The following FAM234B variants were observed in gnomAD, a reference collection of about 807,000 sequenced individuals.
FAM234B encodes protein FAM234B.
A neutral mutation model predicts 69.3 loss-of-function variants in FAM234B; 33 were observed. The ratio of observed to expected loss-of-function variants is 0.48; its 90% CI spans 0.36 to 0.64. The LOEUF (loss-of-function observed/expected upper bound fraction) is 0.64. FAM234B is among the 30% of genes least tolerant of loss of function. The pLI, the probability that FAM234B is intolerant of heterozygous loss-of-function variation, is 0.00. For missense variants in FAM234B, 697 were observed against 769.7 expected (o/e 0.91, Z 1.12); for synonymous variants, 306 against 306.9 (o/e 1.00, Z 0.03).
At chr12:13,071,929 GT>G (rs1484667406) in intron 10 of FAM234B, among the ~76,000 whole-genome samples, 4 of 152,204 alleles carry the variant, frequency 2.6e-5, no homozygotes, top group African/African-American at 4.8e-5. Flanking sequence ...ATTTTAGAAA[GT>G]CTTAAATGTT....
chr12:13,083,339 G>A lies in FAM234B; in HGVS notation c.*2709G>A, dbSNP rs995536568. 1 of 152,438 alleles carries A rather than the reference G, an allele frequency of 6.6e-6. No individual in the cohort carries two copies. The highest frequency in any genetic ancestry group is 1.5e-5 in the Non-Finnish European group (1 of 68,020). 9.4% of individuals were successfully genotyped at this position (152,438 alleles called of 1,614,324 possible). A position where few individuals can be genotyped will look rare whatever the true frequency, so the allele number is the denominator to read the frequency against. ...ATGGTGAAACTAATCCCCTGAATGTGAATTGCTATCCTTATTGCCCTATTA... is the reference window on the plus strand; with the variant it reads ...ATGGTGAAACTAATCCCCTGAATGTAAATTGCTATCCTTATTGCCCTATTA... On this transcript the variant is annotated 3_prime_UTR_variant, in exon 13 of 13. Coordinates refer to ENST00000197268, the MANE Select transcript of FAM234B (RefSeq NM_020853.2).
chr12:13,075,439 T>TTA (rs1475272361), intron 10 of FAM234B, among the ~76,000 whole-genome samples: 2 of 149,686 alleles, frequency 1.3e-5, no homozygotes, highest in Admixed American at 1.3e-4. Flanking sequence ...TTTTCTTTTT[T>TTA]TTTTTTTTTA....
intron 3 of FAM234B, among the ~76,000 whole-genome samples, chr12:13,059,685 C>G (rs1198078994): frequency 1.3e-5 from 2 of 152,136 alleles, no homozygotes; most frequent in Non-Finnish European, 2.9e-5. Flanking sequence ...ACATCTCTTA[C>G]ATTAGTAGGA....
Position 13,052,284 on chromosome 12 carries a change from G to T in FAM234B, c.38-3267G>T, listed in dbSNP as rs141099501. On this transcript the variant is annotated intron_variant, in intron 1 of 12. Transcript: ENST00000197268. ...ACATTCAGGTGTTTGCTAAGTAACT[G>T]GTTGATAGGTCTTTGTAAGTAGCTA... Among the ~76,000 whole-genome samples the T allele has an allele frequency of 4.2e-3, 634 of 152,268 alleles. 4 individuals are homozygous for T. The highest frequency in any genetic ancestry group is 6.8e-3 in the Middle Eastern group (2 of 294).
chr12:13,048,501 CTTTTCTGTTTTCTGTTATCCT>C (rs574920176), intron 1 of FAM234B, among the ~76,000 whole-genome samples: 36,136 of 151,776 alleles, frequency 0.24, 5,243 homozygotes, highest in East Asian at 0.53. Context: ...GCTTTTGGTT[CTTTTCTGTTTTCTGTTATCCT>C]CTTTTCTGTT....
In FAM234B at chr12:13,080,086, G is replaced by A. The variant is rs1046079123; in HGVS notation, c.1863+77G>A. ...CCAATTCCAGCTTTGTCTTTAGAAA[G>A]TAGGCAGAATGGGGAACTTTCTTGA... On this transcript the variant is annotated intron_variant, in intron 12 of 12. Transcript: ENST00000197268. 12 of 1,154,018 alleles carry A rather than the reference G, an allele frequency of 1.0e-5. No homozygotes were observed. In the Middle Eastern group the frequency reaches 8.4e-4, roughly 80 times the overall value. The allele number at this position is 1,154,018 out of a possible 1,614,324, so 71.5% of individuals were successfully genotyped here. A position where few individuals can be genotyped will look rare whatever the true frequency, so the allele number is the denominator to read the frequency against.
rs895038330 is a variant in FAM234B at position 13,047,276 on chromosome 12, A to AT, written c.37+2844dup. On this transcript the variant is annotated intron_variant, in intron 1 of 12. Coordinates refer to ENST00000197268, the MANE Select transcript of FAM234B (RefSeq NM_020853.2). ...CAGCTTATCTCCTAAGTATATATAT[A>AT]TTTTTTTTCTTAGGCCATTTTAAAG... 1.2e-3 allele frequency among the ~76,000 whole-genome samples: 189 copies of AT among 152,116 alleles called. 1 individual carries two copies. The highest frequency in any genetic ancestry group is 4.3e-3 in the African/African-American group (180 of 41,496).
rs201916189 is a variant in FAM234B, at chr12:13,058,539, G to A, written c.522G>A (p.Gly174=). ...TCTCCTTTGTGATGTCAAGGAACGG[G>A]AGTGCAGTAGGTAAGAGACGTGTTT... ...VLLSFVMSRN[G]SAVGVSRPAA... is the part of the protein sequence containing the mutation. The change falls in exon 3 of 13, where the codon GGG becomes GGA. Residue 174 remains glycine (G), a synonymous_variant. Transcript: ENST00000197268. The A allele has an allele frequency of 4.3e-6, 7 of 1,612,064 alleles. No individual in the cohort carries two copies. The East Asian group carries it at 1.3e-4, about 31-fold the overall frequency.
chr12:13,079,249 A>G (rs999886100), intron 11 of FAM234B, among the ~76,000 whole-genome samples: 4 of 152,226 alleles, frequency 2.6e-5, no homozygotes, highest in Non-Finnish European at 5.9e-5. Context: ...ACCTACAACT[A>G]TCTGATCTTT....
chr12:13,079,811 A>G lies in FAM234B; in HGVS notation c.1665A>G (p.Lys555=), dbSNP rs751598398. ...ASEVGINDLW[K]DAFYVTRTTG... ...CAGTTGGAATTAACGACCTCTGGAA[A>G]GATGCCTTTTATGTTACCAGGACAA... The change falls in exon 12 of 13, where the codon AAA becomes AAG. Residue 555 remains lysine (K), a synonymous_variant. Transcript: ENST00000197268. The G allele has an allele frequency of 1.3e-5, 21 of 1,613,692 alleles. No individual in the cohort carries two copies. The South Asian group carries it at 2.0e-4, about 15-fold the overall frequency.
chr12:13,056,355 C>G lies in FAM234B; in HGVS notation c.433+409C>G, dbSNP rs181719006. On this transcript the variant is annotated intron_variant, in intron 2 of 12. Coordinates refer to ENST00000197268, the MANE Select transcript of FAM234B (RefSeq NM_020853.2). ...CATTCTTTGATGATAGAGGTCTGAT[C>G]TAATTTAAATTATAAAATAATTTCA... is the stretch of plus-strand genomic sequence containing the variant. Among the ~76,000 whole-genome samples the G allele has an allele frequency of 3.5e-3, 540 of 152,332 alleles. 7 individuals carry two copies. The highest frequency in any genetic ancestry group is 0.012 in the African/African-American group (508 of 41,580).
chr12:13,066,241 G>A (rs1865035060), intron 5 of FAM234B, among the ~76,000 whole-genome samples: 1 of 152,194 alleles, frequency 6.6e-6, no homozygotes, highest in Non-Finnish European at 1.5e-5. Flanking sequence ...GTTCTGATGG[G>A]AGAGCACTGC....
intron 5 of FAM234B, 36 bp from the exon 6 acceptor site, chr12:13,066,604 T>G (rs1463390830): frequency 1.3e-6 from 2 of 1,584,330 alleles, no homozygotes; most frequent in Non-Finnish European, 1.7e-6. Context: ...ACGATAGGGC[T>G]TCTATTGACT....
At chr12:13,073,178 G>T (rs1425206412) in intron 10 of FAM234B, among the ~76,000 whole-genome samples, 2 of 150,304 alleles carry the variant, frequency 1.3e-5, no homozygotes, top group Admixed American at 6.6e-5. Context: ...CCTTTTTGTG[G>T]AGAATGGGGT....
At chr12:13,068,996 G>T (rs189019461) in intron 9 of FAM234B, among the ~76,000 whole-genome samples, 189 of 152,152 alleles carry the variant, frequency 1.2e-3, no homozygotes, top group Middle Eastern at 3.4e-3. Context: ...TCTCTTGGTG[G>T]GGAAAGACAG....
chr12:13,059,991 G>A (rs754357301), intron 3 of FAM234B, among the ~76,000 whole-genome samples: 2 of 152,188 alleles, frequency 1.3e-5, no homozygotes, highest in Admixed American at 1.3e-4. Context: ...AGGATATAGC[G>A]AACATATGGT....
At chr12:13,060,946 C>A (rs1230397815) in intron 3 of FAM234B, among the ~76,000 whole-genome samples, 1 of 152,158 alleles carries the variant, frequency 6.6e-6, no homozygotes, top group African/African-American at 2.4e-5. Context: ...GGGACCAAAT[C>A]AATTGATTCC....
chr12:13,073,700 G>T (rs192129583), intron 10 of FAM234B, among the ~76,000 whole-genome samples: 11 of 152,302 alleles, frequency 7.2e-5, no homozygotes, highest in African/African-American at 2.2e-4. Flanking sequence ...CACCCATCCC[G>T]TGGAAAGTTC....
intron 9 of FAM234B, among the ~76,000 whole-genome samples, chr12:13,069,140 T>A (rs919392956): frequency 2.6e-5 from 4 of 152,180 alleles, no homozygotes; most frequent in Admixed American, 1.3e-4. Context: ...ATCGTATTTA[T>A]GTAGACAGGA....
Sources: gnomAD v4.1 joint callset for allele counts (sites outside exome capture counted in the v4.1 genomes callset) on GRCh38, gnomAD v4.1.1 for gene constraint, MANE v1.5 for transcripts, NCBI Gene and HGNC (gene_info 2026-07-23, HGNC 2026-07-21) for gene names.